The following RAD21L1 variants were observed in gnomAD, a reference collection of about 807,000 sequenced individuals.
RAD21L1 encodes double-strand-break repair protein rad21-like protein 1.
Under a neutral mutation model 69.0 loss-of-function variants are expected in RAD21L1, and 47 were observed. The ratio of observed to expected loss-of-function variants is 0.68; its 90% CI spans 0.54 to 0.87. The LOEUF (loss-of-function observed/expected upper bound fraction) is 0.87. Ranked by LOEUF, RAD21L1 falls within the 40% of genes least tolerant of loss-of-function variation. The pLI is 0.00. For synonymous variants in RAD21L1, 177 were observed against 205.8 expected (o/e 0.86, Z 1.20); for missense variants, 583 against 647.6 (o/e 0.90, Z 1.08).
At chr20:1,252,877 T>A (rs958956761) in intron 13 of RAD21L1, among the ~76,000 whole-genome samples, 9 of 152,230 alleles carry the variant, frequency 5.9e-5, no homozygotes, top group Non-Finnish European at 1.3e-4. Flanking sequence ...ACTTTCTTTG[T>A]CTTTATCTCC....
chr20:1,254,042 A>G (rs2122182991), intron 13 of RAD21L1, among the ~76,000 whole-genome samples: 1 of 152,286 alleles, frequency 6.6e-6, no homozygotes, highest in African/African-American at 2.4e-5. Flanking sequence ...TTTATATAAC[A>G]CTTCGGAATT....
rs1196450760 is a variant in RAD21L1 at position 1,255,552 on chromosome 20, C to A, written c.*1095C>A. On this transcript the variant is annotated 3_prime_UTR_variant, in exon 14 of 14. Transcript: ENST00000683101. Reference sequence around the variant, plus strand: ...TGTGTTAACTATAAATTTTAAATGGCAAAATTGCCTTTTTAAAATTTCTTT... The same window carrying A: ...TGTGTTAACTATAAATTTTAAATGGAAAAATTGCCTTTTTAAAATTTCTTT... 6.6e-6 allele frequency among the ~76,000 whole-genome samples: 1 copy of A among 152,076 alleles called. No homozygotes were observed. The highest frequency in any genetic ancestry group is 1.5e-5 in the Non-Finnish European group (1 of 67,998).
chr20:1,232,216 A>G (rs996082990), intron 4 of RAD21L1, among the ~76,000 whole-genome samples: 1 of 152,186 alleles, frequency 6.6e-6, no homozygotes, highest in Non-Finnish European at 1.5e-5. Flanking sequence ...AGCGGAGTAA[A>G]TGAGAGGCTG....
intron 4 of RAD21L1, among the ~76,000 whole-genome samples, chr20:1,233,070 A>ACATC (rs2087424571): frequency 6.6e-6 from 1 of 152,142 alleles, no homozygotes. Context: ...CTTGTACTTC[A>ACATC]CATCCTCCAG....
Position 1,238,293 on chromosome 20 carries a change from A to G in RAD21L1, c.646+79A>G, listed in dbSNP as rs1271268775. 2.9e-6 allele frequency: 3 copies of G among 1,031,108 alleles called. No individual in the cohort carries two copies. In the South Asian group the frequency reaches 8.9e-5, roughly 30 times the overall value. 63.9% of individuals were successfully genotyped at this position (1,031,108 alleles called of 1,614,324 possible). The stretch of plus-strand genomic sequence containing the variant: ...AATATATTAGTAGATTTATTATATC[A>G]ATCTAAAATTTCAAATATGTTTTTG... On this transcript the variant is annotated intron_variant, in intron 6 of 13. Coordinates refer to ENST00000683101, the MANE Select transcript of RAD21L1 (RefSeq NM_001384355.1).
Position 1,239,364 on chromosome 20 carries a change from C to G in RAD21L1, c.699C>G (p.Asn233Lys). 1 of 1,550,404 alleles carries G rather than the reference C, an allele frequency of 6.4e-7. No individual in the cohort carries two copies. The highest frequency in any genetic ancestry group is 8.7e-7 in the Non-Finnish European group (1 of 1,145,886). Residue 233 changes from asparagine to lysine, a missense_variant, in exon 7 of 14, where the codon AAC becomes AAG. Physicochemically the swap from Asn to Lys is moderately conservative, Grantham distance 94 (BLOSUM62 0). Coordinates refer to ENST00000683101, the MANE Select transcript of RAD21L1 (RefSeq NM_001384355.1). ...TCCTGTTAGAAGACATGCATTTGAACAGAGAAATTTCCCTGCCTTCTGAGC... is the reference window on the plus strand; with the variant it reads ...TCCTGTTAGAAGACATGCATTTGAAGAGAGAAATTTCCCTGCCTTCTGAGC... ...QNILLEDMHL[N>K]REISLPSEPP...
chr20:1,250,242 C>T (rs1163467551), intron 13 of RAD21L1, among the ~76,000 whole-genome samples: 2 of 146,350 alleles, frequency 1.4e-5, no homozygotes, highest in Admixed American at 1.4e-4. Flanking sequence ...CATTTTCTTT[C>T]TTTTTTTTTC....
At chr20:1,249,541 C>A (rs17779586) in intron 13 of RAD21L1, among the ~76,000 whole-genome samples, 9,244 of 152,234 alleles carry the variant, frequency 0.061, 385 homozygotes, top group South Asian at 0.1. Context: ...AAATGGCTAA[C>A]TACCCACCAG....
intron 12 of RAD21L1, 114 bp from the exon 13 acceptor site, chr20:1,248,512 G>T: frequency 1.8e-6 from 1 of 549,794 alleles, no homozygotes; most frequent in Non-Finnish European, 3.2e-6. Flanking sequence ...TCTTTATTTG[G>T]CAGGACCCAT....
In RAD21L1 at chr20:1,254,863, A is replaced by G. The variant is rs2087904718; in HGVS notation, c.*406A>G. Among the ~76,000 whole-genome samples the G allele has an allele frequency of 6.6e-6, 1 of 152,204 alleles. No individual in the cohort carries two copies. Among genetic ancestry groups the G allele is most frequent in the Non-Finnish European group, 1.5e-5 (1 of 68,032 alleles). On this transcript the variant is annotated 3_prime_UTR_variant, in exon 14 of 14. Transcript: ENST00000683101. ...TAGCTGATTTGAATATATAGCATTT[A>G]TCATTTCCCTGATTTGAATGTTGCA...
chr20:1,230,107 G>T, intron 3 of RAD21L1, 98 bp downstream of exon 3: 1 of 839,154 alleles, frequency 1.2e-6, no homozygotes, highest in Non-Finnish European at 1.7e-6. Flanking sequence ...TATGGTGAAT[G>T]TAAACTTAGT....
rs180832255 is a variant in RAD21L1 at position 1,232,606 on chromosome 20, T to C, written c.368+987T>C. Among the ~76,000 whole-genome samples, 194 of 152,326 alleles carry C rather than the reference T, an allele frequency of 1.3e-3. 1 individual carries two copies. Among genetic ancestry groups the C allele is most frequent in the African/African-American group, 4.2e-3 (175 of 41,582 alleles). On this transcript the variant is annotated intron_variant, in intron 4 of 13. Transcript: ENST00000683101. ...AAAATGAAGGATACTATATGATTTTTGGCATGAGAACAGACTTAACACTTC... is the reference window on the plus strand; with the variant it reads ...AAAATGAAGGATACTATATGATTTTCGGCATGAGAACAGACTTAACACTTC...
chr20:1,240,484 A>G (rs2087584852), intron 8 of RAD21L1, 50 bp downstream of exon 8: 1 of 1,505,876 alleles, frequency 6.6e-7, no homozygotes, highest in South Asian at 1.3e-5. Flanking sequence ...CTGTTAACTT[A>G]TTTACTTTGA....
chr20:1,229,128 TG>T (rs1395790296), intron 2 of RAD21L1, among the ~76,000 whole-genome samples: 3 of 152,260 alleles, frequency 2.0e-5, no homozygotes, highest in African/African-American at 7.2e-5. Flanking sequence ...GGCACTGGGC[TG>T]GACTTTATGC....
chr20:1,238,847 G>A lies in RAD21L1; in HGVS notation c.647-465G>A, dbSNP rs149925731. 2.9e-3 allele frequency among the ~76,000 whole-genome samples: 446 copies of A among 152,084 alleles called. 5 individuals carry two copies. In the East Asian group the frequency reaches 0.046, roughly 16 times the overall value. On this transcript the variant is annotated intron_variant, in intron 6 of 13. Coordinates refer to ENST00000683101, the MANE Select transcript of RAD21L1 (RefSeq NM_001384355.1). ...TTATTATTATTATTATTTTTGAGAC[G>A]GAGCCTTGCTGTGTCGCCCAGGCTG... is the stretch of plus-strand genomic sequence containing the variant.
intron 5 of RAD21L1, among the ~76,000 whole-genome samples, chr20:1,237,758 T>G (rs2087529861): frequency 6.6e-6 from 1 of 152,178 alleles, no homozygotes; most frequent in Non-Finnish European, 1.5e-5. Flanking sequence ...TTATTTTCCA[T>G]AGTACTTTTA....
rs2087392776 is a variant in RAD21L1, at chr20:1,231,630, T to G, written c.368+11T>G. 2.4e-6 allele frequency: 3 copies of G among 1,240,286 alleles called. No homozygotes were observed. The highest frequency in any genetic ancestry group is 4.7e-5 in the Admixed American group (2 of 42,736). The allele number at this position is 1,240,286 out of a possible 1,614,324, so 76.8% of individuals were successfully genotyped here. On this transcript the variant is annotated intron_variant, in intron 4 of 13. Transcript: ENST00000683101. ...CACCCAAAATATGAAGTAAAATATT[T>G]TATTTATTTTCCTTCGATTTAATTT...
intron 12 of RAD21L1, among the ~76,000 whole-genome samples, chr20:1,247,178 T>C (rs556841704): frequency 6.6e-6 from 1 of 152,282 alleles, no homozygotes; most frequent in East Asian, 1.9e-4. Flanking sequence ...TTTTCATACA[T>C]GGTCAAGCAA....
chr20:1,230,496 A>G, intron 3 of RAD21L1: 1 of 737,634 alleles, frequency 1.4e-6, no homozygotes, highest in Non-Finnish European at 1.7e-6. Flanking sequence ...ATACCTTCAA[A>G]ATTTATATAC....
Sources: allele counts gnomAD v4.1 joint callset (sites outside exome capture counted in the v4.1 genomes callset), GRCh38; gene constraint gnomAD v4.1.1; transcripts MANE v1.5; gene names NCBI Gene and HGNC (gene_info 2026-07-23, HGNC 2026-07-21).